PCDHGA6: variants seen among roughly 807,000 people sequenced by gnomAD.
The protein encoded by PCDHGA6 is protocadherin gamma subfamily A, 6, also known as protocadherin gamma-A6.
PCDHGA6 carries 41 observed loss-of-function variants against 60.6 expected under a neutral mutation model. The ratio of observed to expected loss-of-function variants is 0.68; its 90% CI spans 0.53 to 0.88. The LOEUF (loss-of-function observed/expected upper bound fraction) is 0.88, where lower values mean the gene tolerates loss of function less well. Ranked by LOEUF, PCDHGA6 falls within the 40% of genes least tolerant of loss-of-function variation. The pLI is 0.00. For synonymous variants in PCDHGA6, 594 were observed against 524.4 expected (o/e 1.13, Z -1.81); for missense variants, 1,312 against 1,203.0 (o/e 1.09, Z -1.34).
In PCDHGA6 at chr5:141,511,033, C is replaced by T. The variant is rs1185153127; in HGVS notation, c.2659C>T (p.His887Tyr). 6.2e-7 allele frequency: 1 copy of T among 1,614,202 alleles called. No individual in the cohort carries two copies. The highest frequency in any genetic ancestry group is 1.7e-5 in the Admixed American group (1 of 60,032). ...CTACGGACCCCAGTTCACCCTGCAG[C>T]ACGTGCCCGACTACCGCCAGAATGT... ...ARYGPQFTLQ[H>Y]VPDYRQNVYI... Residue 887 changes from histidine to tyrosine, a missense_variant, in exon 4 of 4, where the codon CAC becomes TAC. His to Tyr is a moderately conservative substitution (Grantham distance 83). Coordinates refer to ENST00000517434, the MANE Select transcript of PCDHGA6 (RefSeq NM_018919.3).
chr5:141,413,461 C>G (rs1294898087), intron 1 of PCDHGA6: 11 of 1,614,082 alleles, frequency 6.8e-6, no homozygotes, highest in Non-Finnish European at 7.6e-6. Flanking sequence ...CAGGATAGAC[C>G]GGGAGGAGCT....
At chr5:141,401,667 C>T (rs539975682) in intron 1 of PCDHGA6, among the ~76,000 whole-genome samples, 1 of 152,340 alleles carries the variant, frequency 6.6e-6, no homozygotes, top group South Asian at 2.1e-4. Context: ...GTTTTCTCAA[C>T]ATCCTTGTAG....
rs761528900 is a variant in PCDHGA6 at position 141,376,319 on chromosome 5, G to A, written c.2236G>A (p.Val746Ile). The A allele has an allele frequency of 2.5e-6, 4 of 1,614,220 alleles. No homozygotes were observed. In the East Asian group the frequency reaches 6.7e-5, roughly 27 times the overall value. The change falls in exon 1 of 4, where the codon GTT (valine) becomes ATT (isoleucine). Residue 746 changes from valine (V) to isoleucine (I), a missense_variant. Coordinates refer to ENST00000517434, the MANE Select transcript of PCDHGA6 (RefSeq NM_018919.3). ...PGSHFVGVEGVRAFLQTYSHE... is the reference protein window; with the variant it reads ...PGSHFVGVEGIRAFLQTYSHE... ...CTCGCACTTTGTGGGCGTGGAAGGGGTTCGGGCTTTCCTGCAGACCTATTC... is the reference window on the plus strand; with the variant it reads ...CTCGCACTTTGTGGGCGTGGAAGGGATTCGGGCTTTCCTGCAGACCTATTC...
intron 1 of PCDHGA6, chr5:141,410,203 C>T: frequency 1.9e-6 from 3 of 1,614,022 alleles, no homozygotes; most frequent in Non-Finnish European, 2.5e-6. Flanking sequence ...TCGCAGACAA[C>T]TTGCAAGAGA....
intron 1 of PCDHGA6, chr5:141,400,218 G>C (rs2093982352): frequency 6.2e-7 from 1 of 1,613,932 alleles, no homozygotes; most frequent in Admixed American, 1.7e-5. Context: ...TGATCTCAGT[G>C]CTCTTCCTCC....
chr5:141,491,869 G>C lies in PCDHGA6; in HGVS notation c.2425-2938G>C. On this transcript the variant is annotated intron_variant, in intron 1 of 3. Transcript: ENST00000517434. This position sits in a 1 kb window ranked among gnomAD's most constrained non-coding sequence, Gnocchi z 6.9. ...GGACCGTTTGCGCGAAACCAGAGTG[G>C]CCGATTAAGGGATGGGGCTCCGAGC... The C allele has an allele frequency of 6.9e-7, 1 of 1,453,094 alleles. No homozygotes were observed. Among genetic ancestry groups the C allele is most frequent in the South Asian group, 1.5e-5 (1 of 68,080 alleles). 90.0% of individuals were successfully genotyped at this position (1,453,094 alleles called of 1,614,324 possible).
At chr5:141,470,599 C>T (rs967683467) in intron 1 of PCDHGA6, among the ~76,000 whole-genome samples, 12 of 152,194 alleles carry the variant, frequency 7.9e-5, no homozygotes, top group Non-Finnish European at 1.2e-4. Context: ...GCGACCTGTG[C>T]GGGGACACAG....
rs192631651 is a variant in PCDHGA6, at chr5:141,432,052, C to G, written c.2424+55545C>G. On this transcript the variant is annotated intron_variant, in intron 1 of 3. Transcript: ENST00000517434. The surrounding 1 kb of genome is among the most constrained non-coding windows in gnomAD (Gnocchi z 6.0). Reference sequence around the variant, plus strand: ...CCGCCACTGACCGGGGAACCCCGCCCCTATCCACGGAAACTCATATCTCGC... The same window carrying G: ...CCGCCACTGACCGGGGAACCCCGCCGCTATCCACGGAAACTCATATCTCGC... The G allele has an allele frequency of 8.1e-6, 13 of 1,614,226 alleles. No homozygotes were observed. In the Admixed American group the frequency reaches 1.8e-4, roughly 23 times the overall value.
intron 1 of PCDHGA6, chr5:141,423,558 G>T: frequency 1.2e-6 from 2 of 1,613,580 alleles, no homozygotes; most frequent in Non-Finnish European, 1.7e-6. Context: ...CCAACTATGG[G>T]GACACGCTCA....
At chr5:141,426,767 A>G (rs1219028777) in intron 1 of PCDHGA6, 1 of 456,548 alleles carries the variant, frequency 2.2e-6, no homozygotes, top group Admixed American at 2.3e-5. Flanking sequence ...ATGCAGATGT[A>G]GGGCCTCACT....
chr5:141,480,651 C>T (rs780138971), intron 1 of PCDHGA6, among the ~76,000 whole-genome samples: 1 of 152,174 alleles, frequency 6.6e-6, no homozygotes, highest in African/African-American at 2.4e-5. Flanking sequence ...CTTGGTTGCA[C>T]ATTAAAATCA....
At chr5:141,405,372 T>C in intron 1 of PCDHGA6, 1 of 1,601,630 alleles carries the variant, frequency 6.2e-7, no homozygotes, top group East Asian at 2.2e-5. Flanking sequence ...ACCCCTTTGG[T>C]TCCGGTGAGT....
intron 1 of PCDHGA6, among the ~76,000 whole-genome samples, chr5:141,461,980 C>G (rs759291534): frequency 9.2e-5 from 14 of 152,176 alleles, no homozygotes; most frequent in Non-Finnish European, 1.5e-4. Flanking sequence ...TATGCCACCA[C>G]GCCAGGCTAA....
At chr5:141,391,884 G>C (rs1192403353) in intron 1 of PCDHGA6, 1 of 152,128 alleles carries the variant, frequency 6.6e-6, no homozygotes, top group East Asian at 1.9e-4. Flanking sequence ...TTGGTGAAAG[G>C]GATGGGATGG....
At chr5:141,426,153 T>C (rs928934950) in intron 1 of PCDHGA6, 12 of 154,130 alleles carry the variant, frequency 7.8e-5, no homozygotes, top group African/African-American at 2.6e-4. Flanking sequence ...CTCCTGCAAA[T>C]CTGATTCCAT....
intron 1 of PCDHGA6, chr5:141,400,054 C>G: frequency 6.2e-7 from 1 of 1,613,622 alleles, no homozygotes; most frequent in Non-Finnish European, 8.5e-7. Flanking sequence ...GGTTGCTGTG[C>G]GTGATGGTGG....
Position 141,490,457 on chromosome 5 carries a change from T to C in PCDHGA6, c.2425-4350T>C. 1 of 1,614,214 alleles carries C rather than the reference T, an allele frequency of 6.2e-7. No homozygotes were observed. Among genetic ancestry groups the C allele is most frequent in the Non-Finnish European group, 8.5e-7 (1 of 1,180,042 alleles). ...AAGCCTTCTGAGAACCACTACTCGC[T>C]GCTAACCAGCCAGCCTTTGGACCGG... On this transcript the variant is annotated intron_variant, in intron 1 of 3. Coordinates refer to ENST00000517434, the MANE Select transcript of PCDHGA6 (RefSeq NM_018919.3). The surrounding 1 kb of genome is among the most constrained non-coding windows in gnomAD (Gnocchi z 5.4).
At chr5:141,398,284 G>A (rs1462851627) in intron 1 of PCDHGA6, 1 of 1,400,106 alleles carries the variant, frequency 7.1e-7, no homozygotes, top group Non-Finnish European at 9.8e-7. Flanking sequence ...CCTCGCCACG[G>A]ACCTGGGGTT....
Position 141,415,740 on chromosome 5 carries a change from G to GTTTTTT in PCDHGA6, c.2424+39260_2424+39265dup, listed in dbSNP as rs57426385. ...TGAGTAGAATTTGATGTTTATTAAGGTTTTTTTTTTTTTTTTTTTTTTTTT... is the reference window on the plus strand; with the variant it reads ...TGAGTAGAATTTGATGTTTATTAAGGTTTTTTTTTTTTTTTTTTTTTTTTTTTTTTT... On this transcript the variant is annotated intron_variant, in intron 1 of 3. Transcript: ENST00000517434. 6.6e-4 allele frequency: 412 copies of GTTTTTT among 624,836 alleles called. 3 individuals carry two copies. The highest frequency in any genetic ancestry group is 1.2e-3 in the African/African-American group (49 of 39,912). The allele number at this position is 624,836 out of a possible 1,614,324, so 38.7% of individuals were successfully genotyped here.
Sources: allele counts gnomAD v4.1 joint callset (sites outside exome capture counted in the v4.1 genomes callset), GRCh38; gene constraint gnomAD v4.1.1; non-coding constraint Gnocchi (gnomAD v3.1); transcripts MANE v1.5; gene names NCBI Gene and HGNC (gene_info 2026-07-23, HGNC 2026-07-21).